FGF14: variants seen among roughly 807,000 people sequenced by gnomAD.
The protein encoded by FGF14 is fibroblast growth factor 14, also known as fibroblast growth factor homologous factor 4.
In FGF14, 5 loss-of-function variants were observed where a neutral mutation model predicts 25.5. That is an observed-to-expected ratio of 0.20 (90% CI 0.10 to 0.41). The LOEUF (loss-of-function observed/expected upper bound fraction) is 0.41, where lower values mean the gene tolerates loss of function less well. Ranked by LOEUF, FGF14 falls within the 10% of genes least tolerant of loss-of-function variation. The pLI is 1.00. For synonymous variants in FGF14, 138 were observed against 118.3 expected (o/e 1.17, Z -1.08); for missense variants, 222 against 320.1 (o/e 0.69, Z 2.34).
chr13:102,323,974 TGTGTG>T (rs2056335689), intron 1 of FGF14, among the ~76,000 whole-genome samples: 1 of 149,586 alleles, frequency 6.7e-6, no homozygotes, highest in African/African-American at 2.5e-5. Context: ...TGTGTGTGTG[TGTGTG>T]TGTGTGTGTG....
intron 1 of FGF14, among the ~76,000 whole-genome samples, chr13:101,892,637 C>T (rs185385364): frequency 2.0e-5 from 3 of 152,264 alleles, no homozygotes; most frequent in Non-Finnish European, 4.4e-5. Flanking sequence ...ATCCTAAAAT[C>T]TCCAGGAACA....
chr13:101,915,698 T>A (rs2033400400), intron 1 of FGF14, among the ~76,000 whole-genome samples: 1 of 152,248 alleles, frequency 6.6e-6, no homozygotes, highest in African/African-American at 2.4e-5. Flanking sequence ...CTTTATATAG[T>A]AACGGCTTGT....
chr13:101,877,901 C>A (rs928895582), intron 1 of FGF14, among the ~76,000 whole-genome samples: 6 of 152,160 alleles, frequency 3.9e-5, no homozygotes, highest in African/African-American at 1.4e-4. Context: ...TGCTCAATTC[C>A]TTTTGATGCA....
chr13:102,398,013 A>AGTGTGT (rs3067869), intron 1 of FGF14, among the ~76,000 whole-genome samples: 31,326 of 147,004 alleles, frequency 0.21, 3,399 homozygotes, highest in East Asian at 0.28. Context: ...GACATTTAAG[A>AGTGTGT]GTGTGTGTGT....
At chr13:101,868,221 T>C (rs2044837107) in intron 3 of FGF14, among the ~76,000 whole-genome samples, 1 of 152,148 alleles carries the variant, frequency 6.6e-6, no homozygotes, top group African/African-American at 2.4e-5. Context: ...AGAGGTCATA[T>C]GGCTAGAAAA....
At chr13:101,917,121 T>C (rs532907787), upstream of FGF14, among the ~76,000 whole-genome samples, 1 of 151,528 alleles carries the variant, frequency 6.6e-6, no homozygotes, top group Admixed American at 6.6e-5. Context: ...TCGGTCCGGG[T>C]CGCGCTGGGC....
At chr13:102,333,325 T>C (rs2056689999) in intron 1 of FGF14, among the ~76,000 whole-genome samples, 1 of 151,928 alleles carries the variant, frequency 6.6e-6, no homozygotes, top group Non-Finnish European at 1.5e-5. Flanking sequence ...TCTGTGAGAA[T>C]ATGAGTCATA....
chr13:101,715,707 A>G lies in FGF14; in HGVS notation c.*7124T>C, dbSNP rs1322045872. 1 of 1,114,806 alleles carries G rather than the reference A, an allele frequency of 9.0e-7. No individual in the cohort carries two copies. Among genetic ancestry groups the G allele is most frequent in the Non-Finnish European group, 1.4e-6 (1 of 724,940 alleles). The allele number at this position is 1,114,806 out of a possible 1,614,324, so 69.1% of individuals were successfully genotyped here. ...TATTTTTTCTGGGCCATTAGAACAG[A>G]TAAATGCGAAGGAAACCATGTATAT... On this transcript the variant is annotated 3_prime_UTR_variant, in exon 5 of 5. Coordinates refer to ENST00000376143, the MANE Select transcript of FGF14 (RefSeq NM_004115.4).
intron 1 of FGF14, among the ~76,000 whole-genome samples, chr13:102,006,311 G>C (rs2039781944): frequency 6.6e-6 from 1 of 152,090 alleles, no homozygotes; most frequent in African/African-American, 2.4e-5. Flanking sequence ...AAGCAATAAG[G>C]CATAAATAAA....
At chr13:102,285,794 G>GA (rs374373747) in intron 1 of FGF14, among the ~76,000 whole-genome samples, 30 of 152,176 alleles carry the variant, frequency 2.0e-4, no homozygotes, top group African/African-American at 5.8e-4. Flanking sequence ...TTTTCCAAAT[G>GA]AAAAAATGGA....
intron 1 of FGF14, among the ~76,000 whole-genome samples, chr13:102,377,479 A>G (rs1441371162): frequency 6.6e-6 from 1 of 152,218 alleles, no homozygotes; most frequent in Non-Finnish European, 1.5e-5. Flanking sequence ...CTAATATTAG[A>G]GTACATACAA....
At chr13:101,745,962 G>C (rs184283618) in intron 3 of FGF14, among the ~76,000 whole-genome samples, 1 of 151,992 alleles carries the variant, frequency 6.6e-6, no homozygotes, top group Non-Finnish European at 1.5e-5. Flanking sequence ...TTCATTTATA[G>C]TGTCCTAGAA....
At chr13:102,071,598 T>C (rs1236610995) in intron 1 of FGF14, among the ~76,000 whole-genome samples, 2 of 152,184 alleles carry the variant, frequency 1.3e-5, no homozygotes, top group African/African-American at 4.8e-5. Flanking sequence ...CTTTCTTGGG[T>C]CCATTTGTAT....
Position 101,715,307 on chromosome 13 carries a change from G to A in FGF14, c.*7524C>T, listed in dbSNP as rs142794360. The A allele has an allele frequency of 1.3e-5, 5 of 388,928 alleles. No homozygotes were observed. The highest frequency in any genetic ancestry group is 1.0e-4 in the African/African-American group (5 of 48,790). The allele number at this position is 388,928 out of a possible 1,614,324, so 24.1% of individuals were successfully genotyped here. A position where few individuals can be genotyped will look rare whatever the true frequency, so the allele number is the denominator to read the frequency against. The stretch of plus-strand genomic sequence containing the variant: ...GGGAAAACAAAATTGTCACCTAAAA[G>A]CCTAGCTGGAGTGATACAGGATGGT... On this transcript the variant is annotated 3_prime_UTR_variant, in exon 5 of 5. Coordinates refer to ENST00000376143, the MANE Select transcript of FGF14 (RefSeq NM_004115.4).
chr13:102,047,479 C>T (rs1220796548), intron 1 of FGF14, among the ~76,000 whole-genome samples: 2 of 152,138 alleles, frequency 1.3e-5, no homozygotes, highest in Admixed American at 1.3e-4. Context: ...CACATATACA[C>T]CATGGAATAC....
intron 3 of FGF14, among the ~76,000 whole-genome samples, chr13:101,819,623 A>T (rs2042014066): frequency 6.6e-6 from 1 of 152,272 alleles, no homozygotes; most frequent in Non-Finnish European, 1.5e-5. Context: ...ACTTCAAAAT[A>T]ACTGCATCAG....
intron 1 of FGF14, among the ~76,000 whole-genome samples, chr13:102,346,477 G>A (rs2057108002): frequency 6.6e-6 from 1 of 152,036 alleles, no homozygotes; most frequent in African/African-American, 2.4e-5. Context: ...TATCCACTAT[G>A]TCACATTGCT....
chr13:101,768,527 G>A (rs1276906989), intron 3 of FGF14, among the ~76,000 whole-genome samples: 1 of 151,988 alleles, frequency 6.6e-6, no homozygotes, highest in Non-Finnish European at 1.5e-5. Flanking sequence ...TATTGAAGGA[G>A]AAAAAGAGTG....
At chr13:101,948,413 A>G (rs537496523) in intron 1 of FGF14, among the ~76,000 whole-genome samples, 38 of 151,752 alleles carry the variant, frequency 2.5e-4, no homozygotes, top group Non-Finnish European at 5.3e-4. Flanking sequence ...TACTACACAT[A>G]TGTAACAAAC....
Sources: allele counts gnomAD v4.1 joint callset (sites outside exome capture counted in the v4.1 genomes callset), GRCh38; gene constraint gnomAD v4.1.1; transcripts MANE v1.5; gene names NCBI Gene and HGNC (gene_info 2026-07-23, HGNC 2026-07-21).